The following PAWR variants were observed in gnomAD, a reference collection of about 807,000 sequenced individuals.
PAWR encodes the protein PRKC apoptosis WT1 regulator protein.
In PAWR, 23 loss-of-function variants were observed where a neutral mutation model predicts 32.0. The observed-to-expected ratio is 0.72, with a 90% CI of 0.52 to 1.02. PAWR has a LOEUF of 1.02. Among genes scored for constraint, PAWR ranks in the 50% least tolerant of loss-of-function variants. PAWR has a pLI of 0.00. For missense variants in PAWR, 457 were observed against 437.7 expected, an observed-to-expected ratio of 1.04 and a Z score of -0.39; for synonymous variants, 226 against 187.1, an observed-to-expected ratio of 1.21 and a Z score of -1.70.
chr12:79,690,524 G>A, intron 1 of PAWR, 133 bp from the exon 2 acceptor site: 1 of 393,932 alleles, frequency 2.5e-6, no homozygotes, highest in East Asian at 4.6e-5. Context: ...GCAGCCGCCG[G>A]GTCCCCACCC....
chr12:79,636,982 C>T (rs547739917), intron 2 of PAWR, among the ~76,000 whole-genome samples: 5 of 152,102 alleles, frequency 3.3e-5, no homozygotes, highest in South Asian at 2.1e-4. Context: ...TTTTAAATTA[C>T]GAATCAGAAT....
intron 2 of PAWR, among the ~76,000 whole-genome samples, chr12:79,659,913 TG>T (rs1352825011): frequency 1.3e-5 from 2 of 151,438 alleles, no homozygotes; most frequent in Non-Finnish European, 2.9e-5. Flanking sequence ...TTAAAGGGGG[TG>T]GGGAAAGAAG....
chr12:79,689,333 G>T (rs908992514), intron 2 of PAWR, among the ~76,000 whole-genome samples: 2 of 152,080 alleles, frequency 1.3e-5, no homozygotes, highest in African/African-American at 4.8e-5. Context: ...AACTTCACAT[G>T]GGCACGTGAG....
chr12:79,664,854 G>A (rs1420394064), intron 2 of PAWR, among the ~76,000 whole-genome samples: 2 of 151,816 alleles, frequency 1.3e-5, no homozygotes, highest in African/African-American at 4.8e-5. Flanking sequence ...TGATTATTGT[G>A]CAAGTATAGT....
At chr12:79,639,528 T>A (rs1300142374) in intron 2 of PAWR, among the ~76,000 whole-genome samples, 1 of 152,160 alleles carries the variant, frequency 6.6e-6, no homozygotes, top group Non-Finnish European at 1.5e-5. Context: ...CCTCAACTGG[T>A]CCCTCTCAAG....
At chr12:79,600,125 A>G (rs1592491593) in intron 4 of PAWR, among the ~76,000 whole-genome samples, 1 of 152,352 alleles carries the variant, frequency 6.6e-6, no homozygotes, top group East Asian at 1.9e-4. Context: ...AAAACTAAAC[A>G]TAGGACACAT....
At chr12:79,650,149 A>G (rs1186197839) in intron 2 of PAWR, among the ~76,000 whole-genome samples, 2 of 152,230 alleles carry the variant, frequency 1.3e-5, no homozygotes, top group African/African-American at 4.8e-5. Context: ...TTAAATTTCC[A>G]TATCCATAAG....
chr12:79,681,238 T>G (rs577643910), intron 2 of PAWR, among the ~76,000 whole-genome samples: 3 of 152,184 alleles, frequency 2.0e-5, no homozygotes, highest in Non-Finnish European at 4.4e-5. Flanking sequence ...ATAAGGCAGA[T>G]AAGCAGTAAG....
intron 2 of PAWR, among the ~76,000 whole-genome samples, chr12:79,667,196 G>A (rs1227265066): frequency 2.6e-5 from 4 of 152,190 alleles, no homozygotes; most frequent in African/African-American, 4.8e-5. Flanking sequence ...TAAATTGACT[G>A]ACACCTGTCT....
chr12:79,623,600 A>G (rs1295972034), intron 2 of PAWR, among the ~76,000 whole-genome samples: 3 of 151,090 alleles, frequency 2.0e-5, no homozygotes, highest in Non-Finnish European at 4.4e-5. Flanking sequence ...TTAAAAAACT[A>G]AAAAACAGTA....
At chr12:79,629,216 T>G (rs1875489221) in intron 2 of PAWR, among the ~76,000 whole-genome samples, 1 of 151,924 alleles carries the variant, frequency 6.6e-6, no homozygotes, top group Non-Finnish European at 1.5e-5. Flanking sequence ...GTTATAATAA[T>G]AAAAGCAAGA....
Position 79,647,221 on chromosome 12 carries a change from A to C in PAWR, c.517-26014T>G, listed in dbSNP as rs550555852. On this transcript the variant is annotated intron_variant, in intron 2 of 6. Coordinates refer to ENST00000328827, the MANE Select transcript of PAWR (RefSeq NM_002583.4). ...GGAAAGAAATGGCAGTAGTATGTGA[A>C]TGTCTAAACTTTCAGGCATACTACT... Among the ~76,000 whole-genome samples the C allele has an allele frequency of 1.3e-3, 192 of 152,154 alleles. 1 individual carries two copies. Among genetic ancestry groups the C allele is most frequent in the African/African-American group, 4.3e-3 (179 of 41,538 alleles).
rs562252449 is a variant in PAWR at position 79,673,271 on chromosome 12, G to C, written c.516+16458C>G. On this transcript the variant is annotated intron_variant, in intron 2 of 6. Transcript: ENST00000328827. ...TTTTTAGTAGAGACGGGGTTTCACCGTGTTAGCCAGGATGGTCTTGATCTC... is the reference window on the plus strand; with the variant it reads ...TTTTTAGTAGAGACGGGGTTTCACCCTGTTAGCCAGGATGGTCTTGATCTC... Among the ~76,000 whole-genome samples, 32 of 151,996 alleles carry C rather than the reference G, an allele frequency of 2.1e-4. 1 individual carries two copies. In the South Asian group the frequency reaches 6.7e-3, roughly 32 times the overall value.
intron 2 of PAWR, among the ~76,000 whole-genome samples, chr12:79,662,585 G>C (rs1334312841): frequency 1.3e-5 from 2 of 152,152 alleles, no homozygotes; most frequent in Non-Finnish European, 2.9e-5. Flanking sequence ...AGCTGACCTA[G>C]AATTCAGTTC....
At chr12:79,628,913 T>C (rs1875474157) in intron 2 of PAWR, among the ~76,000 whole-genome samples, 1 of 152,070 alleles carries the variant, frequency 6.6e-6, no homozygotes, top group African/African-American at 2.4e-5. Context: ...ACACTATACA[T>C]GGCATGGTAT....
chr12:79,670,677 C>A (rs921890820), intron 2 of PAWR, among the ~76,000 whole-genome samples: 2 of 151,962 alleles, frequency 1.3e-5, no homozygotes, highest in Admixed American at 1.3e-4. Flanking sequence ...TATAACTACA[C>A]GAATTTATCA....
At chr12:79,615,527 C>G (rs996305513) in intron 3 of PAWR, among the ~76,000 whole-genome samples, 1 of 152,118 alleles carries the variant, frequency 6.6e-6, no homozygotes, top group Non-Finnish European at 1.5e-5. Flanking sequence ...TTAACCATCC[C>G]TGAGCATCAG....
At chr12:79,651,584 A>G (rs943755682) in intron 2 of PAWR, among the ~76,000 whole-genome samples, 3 of 152,080 alleles carry the variant, frequency 2.0e-5, no homozygotes, top group African/African-American at 7.2e-5. Flanking sequence ...TGACATTAAG[A>G]AAAATCAAAG....
At chr12:79,658,972 TAA>T (rs550704257) in intron 2 of PAWR, among the ~76,000 whole-genome samples, 57 of 86,510 alleles carry the variant, frequency 6.6e-4, no homozygotes, top group Non-Finnish European at 7.5e-4. Flanking sequence ...CTTAGCACAC[TAA>T]AAAAAAAAAA....
Sources: allele counts gnomAD v4.1 joint callset (sites outside exome capture counted in the v4.1 genomes callset), GRCh38; gene constraint gnomAD v4.1.1; transcripts MANE v1.5; gene names NCBI Gene and HGNC (gene_info 2026-07-23, HGNC 2026-07-21).